NTN5: variants seen among roughly 807,000 people sequenced by gnomAD.
NTN5 encodes netrin 5, also known as netrin-5.
A neutral mutation model predicts 38.7 loss-of-function variants in NTN5; 42 were observed. The observed-to-expected ratio is 1.08, with a 90% CI of 0.85 to 1.40. The LOEUF (loss-of-function observed/expected upper bound fraction) is 1.40, where lower values mean the gene tolerates loss of function less well. NTN5 is among the 40% of genes most tolerant of loss of function. The pLI, the probability that NTN5 is intolerant of heterozygous loss-of-function variation, is 0.00. For synonymous variants in NTN5, 329 were observed against 303.9 expected, an observed-to-expected ratio of 1.08 and a Z score of -0.86; for missense variants, 658 against 716.5, an observed-to-expected ratio of 0.92 and a Z score of 0.93.
Position 48,661,722 on chromosome 19 carries a change from G to A in NTN5, c.1425C>T (p.Cys475=), listed in dbSNP as rs1349564079. The change falls in exon 7 of 7, where the codon TGC becomes TGT. Residue 475 remains cysteine (C), a synonymous_variant. Coordinates refer to ENST00000270235, the MANE Select transcript of NTN5 (RefSeq NM_145807.4). Reference sequence around the variant, plus strand: ...TGGGTGTGGGTGCCCGCACGCCGCGGCAGCCTCCGGCGCGCTCCTCCTGCT... The same window carrying A: ...TGGGTGTGGGTGCCCGCACGCCGCGACAGCCTCCGGCGCGCTCCTCCTGCT... ...RLQQEERAGG[C]RGVRAPTPSP... 28 of 1,552,436 alleles carry A rather than the reference G, an allele frequency of 1.8e-5. No individual in the cohort carries two copies. The highest frequency in any genetic ancestry group is 2.3e-5 in the Non-Finnish European group (27 of 1,159,278).
At chr19:48,663,164 T>C in intron 6 of NTN5, 1 of 529,870 alleles carries the variant, frequency 1.9e-6, no homozygotes, top group Middle Eastern at 3.1e-4. Flanking sequence ...TTCATTCCAC[T>C]CAACCAGTTC....
At chr19:48,671,587 C>T (rs898243620) in intron 1 of NTN5, among the ~76,000 whole-genome samples, 3 of 151,062 alleles carry the variant, frequency 2.0e-5, no homozygotes, top group African/African-American at 7.3e-5. Flanking sequence ...TGCCTGGGGG[C>T]TGGGATAGGT....
At chr19:48,669,592 C>G (rs2031850979) in intron 2 of NTN5, among the ~76,000 whole-genome samples, 1 of 18,242 alleles carries the variant, frequency 5.5e-5, no homozygotes. Flanking sequence ...CCACGACCAC[C>G]ATCACCACCA....
chr19:48,662,984 G>A, intron 6 of NTN5: 1 of 324,132 alleles, frequency 3.1e-6, no homozygotes, highest in South Asian at 2.6e-5. Context: ...AGTGTCTTAA[G>A]AGAGCTGAAT....
At position 48,670,809 on chromosome 19, in the gene NTN5, T is replaced by C; in HGVS notation, c.178A>G (p.Thr60Ala). Residue 60 changes from threonine to alanine, a missense_variant, in exon 2 of 7, where the codon ACC (threonine) becomes GCC (alanine). Thr to Ala is a moderately conservative substitution (Grantham distance 58). Transcript: ENST00000270235. ...SPGNHLGARE[T>A]CNGSLTLALG... ...GCCAAAGTCAGGCTGCCATTGCAGGTTTCCCTGGCGCCAAGGTGGTTTCCT... is the reference window on the plus strand; with the variant it reads ...GCCAAAGTCAGGCTGCCATTGCAGGCTTCCCTGGCGCCAAGGTGGTTTCCT... 1 of 1,613,088 alleles carries C rather than the reference T, an allele frequency of 6.2e-7. No individual in the cohort carries two copies. The highest frequency in any genetic ancestry group is 1.1e-5 in the South Asian group (1 of 91,084).
At chr19:48,669,697 TCATCACCATCAC>T (rs2031863948) in intron 2 of NTN5, among the ~76,000 whole-genome samples, 6 of 17,028 alleles carry the variant, frequency 3.5e-4, no homozygotes, top group East Asian at 2.9e-3. Context: ...ACCACCACCA[TCATCACCATCAC>T]CACCATCACC....
chr19:48,669,942 C>A (rs1220032722), intron 2 of NTN5, among the ~76,000 whole-genome samples: 1 of 91,108 alleles, frequency 1.1e-5, no homozygotes, highest in Non-Finnish European at 2.3e-5. Flanking sequence ...ACTACCATCA[C>A]CATCACCACC....
intron 1 of NTN5, among the ~76,000 whole-genome samples, chr19:48,672,514 CT>C (rs1423914827): frequency 2.0e-5 from 3 of 152,194 alleles, no homozygotes; most frequent in Admixed American, 6.5e-5. Flanking sequence ...GCTGCCTCCC[CT>C]GGCCCAGATG....
intron 2 of NTN5, among the ~76,000 whole-genome samples, chr19:48,667,021 G>A (rs984929632): frequency 3.3e-5 from 5 of 151,962 alleles, no homozygotes; most frequent in African/African-American, 7.3e-5. Context: ...GAGCTCAGAC[G>A]GCTGCATGTT....
chr19:48,672,750 A>T (rs1386960719), intron 1 of NTN5, among the ~76,000 whole-genome samples, 182 bp downstream of exon 1: 1 of 151,948 alleles, frequency 6.6e-6, no homozygotes, highest in African/African-American at 2.4e-5. Flanking sequence ...GGATCCAGAA[A>T]CCAGTCGTGG....
At chr19:48,671,697 C>G (rs1019578703) in intron 1 of NTN5, among the ~76,000 whole-genome samples, 2 of 151,968 alleles carry the variant, frequency 1.3e-5, no homozygotes, top group African/African-American at 4.8e-5. Flanking sequence ...AGTGAGAGAC[C>G]GAGGCCCAGG....
At chr19:48,666,897 C>T (rs2031719244) in intron 2 of NTN5, among the ~76,000 whole-genome samples, 1 of 151,690 alleles carries the variant, frequency 6.6e-6, no homozygotes, top group African/African-American at 2.4e-5. Context: ...GTCTCCCAGG[C>T]TCATGGACAC....
In NTN5 at chr19:48,669,709, C is replaced by CCACCACCACCACCAT. The variant is rs1568452442; in HGVS notation, c.631+646_631+647insATGGTGGTGGTGGTG. On this transcript the variant is annotated intron_variant, in intron 2 of 6. Transcript: ENST00000270235. ...ATCACCACCACCATCATCACCATCA[C>CCACCACCACCACCAT]CACCATCACCACCACCACCACCATC... 6.8e-4 allele frequency among the ~76,000 whole-genome samples: 92 copies of CCACCACCACCACCAT among 134,958 alleles called. 5 individuals carry two copies. Among genetic ancestry groups the CCACCACCACCACCAT allele is most frequent in the Admixed American group, 6.3e-3 (85 of 13,596 alleles). The allele number at this position is 134,958 out of a possible 152,430, so 88.5% of individuals were successfully genotyped here.
At position 48,664,213 on chromosome 19, in the gene NTN5, G is replaced by A. The variant is rs2031629245; in HGVS notation, c.900C>T (p.Val300=). ...TSGQCTCKLG[V]TGLTCNRCGP... The stretch of plus-strand genomic sequence containing the variant: ...CACAGCGGTTGCAGGTCAGGCCTGT[G>A]ACCCCTAACTTGCAGGTGCACTGCC... The change falls in exon 4 of 7, where the codon GTC becomes GTT. Residue 300 remains valine (V), a synonymous_variant. Coordinates refer to ENST00000270235, the MANE Select transcript of NTN5 (RefSeq NM_145807.4). The A allele has an allele frequency of 1.2e-6, 2 of 1,611,496 alleles. No individual in the cohort carries two copies. Among genetic ancestry groups the A allele is most frequent in the African/African-American group, 2.7e-5 (2 of 74,924 alleles).
chr19:48,670,010 A>G (rs2031909668), intron 2 of NTN5, among the ~76,000 whole-genome samples: 1 of 141,618 alleles, frequency 7.1e-6, no homozygotes, highest in African/African-American at 2.6e-5. Context: ...CATCACCACC[A>G]TCATCACCAC....
intron 5 of NTN5, 90 bp downstream of exon 5, chr19:48,663,670 TG>T: frequency 6.6e-7 from 1 of 1,511,110 alleles, no homozygotes; most frequent in East Asian, 2.3e-5. Context: ...CTGGGCTCAA[TG>T]GGTGACCCAT....
In NTN5 at chr19:48,661,947, C is replaced by A; in HGVS notation, c.1200G>T (p.Gln400His). The change falls in exon 7 of 7, where the codon CAG becomes CAT. Residue 400 changes from glutamine to histidine, a missense_variant. Coordinates refer to ENST00000270235, the MANE Select transcript of NTN5 (RefSeq NM_145807.4). Reference sequence around the variant, plus strand: ...CGTCCTGGTCGCCGCGTCGCACGGGCTGCGCCCGCTGCTTGTAAACGGCCA... The same window carrying A: ...CGTCCTGGTCGCCGCGTCGCACGGGATGCGCCCGCTGCTTGTAAACGGCCA... ...RVLAVYKQRA[Q>H]PVRRGDQDAW... 2.1e-6 allele frequency: 3 copies of A among 1,428,160 alleles called. No homozygotes were observed. The highest frequency in any genetic ancestry group is 2.7e-6 in the Non-Finnish European group (3 of 1,098,110). 88.5% of individuals were successfully genotyped at this position (1,428,160 alleles called of 1,614,324 possible).
At chr19:48,666,048 G>A (rs1465305922) in intron 2 of NTN5, among the ~76,000 whole-genome samples, 2 of 152,234 alleles carry the variant, frequency 1.3e-5, no homozygotes, top group Non-Finnish European at 2.9e-5. Flanking sequence ...TCTAGCATTC[G>A]TACGTGCAGG....
At chr19:48,671,573 G>A (rs1391772856) in intron 1 of NTN5, among the ~76,000 whole-genome samples, 2 of 151,652 alleles carry the variant, frequency 1.3e-5, no homozygotes, top group East Asian at 2.0e-4. Flanking sequence ...ACTGAGGCTC[G>A]GACTGCCTGG....
Sources: gnomAD v4.1 joint callset for allele counts (sites outside exome capture counted in the v4.1 genomes callset) on GRCh38, gnomAD v4.1.1 for gene constraint, MANE v1.5 for transcripts, NCBI Gene and HGNC (gene_info 2026-07-23, HGNC 2026-07-21) for gene names.